SVIL: variants seen among roughly 807,000 people sequenced by gnomAD.
SVIL encodes supervillin, also known as archvillin.
SVIL carries 101 observed loss-of-function variants against 240.4 expected under a neutral mutation model. The ratio of observed to expected loss-of-function variants is 0.42; its 90% CI spans 0.36 to 0.50. The LOEUF (loss-of-function observed/expected upper bound fraction) is 0.50, where lower values mean the gene tolerates loss of function less well. Ranked by LOEUF, SVIL falls within the 20% of genes least tolerant of loss-of-function variation. SVIL has a pLI of 0.01. For missense variants in SVIL, 2,512 were observed against 2,818.7 expected (o/e 0.89, Z 2.46); for synonymous variants, 999 against 1,100.0 (o/e 0.91, Z 1.82).
In SVIL at chr10:29,458,293, G is replaced by A; in HGVS notation, c.6599C>T (p.Pro2200Leu). Residue 2200 changes from proline (P) to leucine (L), a missense_variant, in exon 38 of 38, where the codon CCC becomes CTC. By Grantham distance (98) the Pro-to-Leu change is moderately conservative. Around this residue, in one of 3 missense-constraint regions of SVIL, gnomAD observed 797 missense variants for 925.3 expected, o/e 0.86. Transcript: ENST00000355867. Reference sequence around the variant, plus strand: ...CTTCAGGTTCACCTGCTTCCAGGCGGGCAGGGCGTTGTATTCATCCCTCGT... The same window carrying A: ...CTTCAGGTTCACCTGCTTCCAGGCGAGCAGGGCGTTGTATTCATCCCTCGT... ...DMTRDEYNAL[P>L]AWKQVNLKKA... 1 of 1,614,144 alleles carries A rather than the reference G, an allele frequency of 6.2e-7. No homozygotes were observed. Among genetic ancestry groups the A allele is most frequent in the Non-Finnish European group, 8.5e-7 (1 of 1,180,034 alleles).
chr10:29,685,287 T>C (rs1343231392), intron 2 of SVIL, among the ~76,000 whole-genome samples: 2 of 152,252 alleles, frequency 1.3e-5, no homozygotes, highest in East Asian at 3.8e-4. Context: ...TTCCATAGTG[T>C]ATATGCACCA....
At chr10:29,651,221 G>A (rs1040098863) in intron 3 of SVIL, among the ~76,000 whole-genome samples, 2 of 152,048 alleles carry the variant, frequency 1.3e-5, no homozygotes, top group Non-Finnish European at 2.9e-5. Context: ...AGGAAGACAC[G>A]ACCTCCAAAC....
At chr10:29,502,599 C>T (rs1049412331) in intron 17 of SVIL, among the ~76,000 whole-genome samples, 3 of 151,944 alleles carry the variant, frequency 2.0e-5, no homozygotes, top group Admixed American at 6.6e-5. Context: ...AAGACAGATC[C>T]CACGAATGTG....
chr10:29,461,853 C>G (rs1320613320), intron 36 of SVIL, among the ~76,000 whole-genome samples: 2 of 152,150 alleles, frequency 1.3e-5, no homozygotes, highest in Admixed American at 6.5e-5. Flanking sequence ...TCTGAACATA[C>G]TAATTCATCA....
At chr10:29,493,811 G>C (rs1948186354) in intron 20 of SVIL, among the ~76,000 whole-genome samples, 1 of 152,202 alleles carries the variant, frequency 6.6e-6, no homozygotes, top group Admixed American at 6.5e-5. Context: ...ACTCAGTTCT[G>C]CTGTCTTAAT....
intron 3 of SVIL, among the ~76,000 whole-genome samples, chr10:29,653,396 G>A (rs373918137): frequency 6.6e-6 from 1 of 152,040 alleles, no homozygotes; most frequent in Admixed American, 6.6e-5. Context: ...TGAGGCCTCT[G>A]CAACCATGCT....
intron 1 of SVIL, among the ~76,000 whole-genome samples, chr10:29,585,911 C>T (rs1052377837): frequency 6.6e-6 from 1 of 152,276 alleles, no homozygotes; most frequent in African/African-American, 2.4e-5. Flanking sequence ...TGAGCGCGGT[C>T]ACTGCCCCAT....
At chr10:29,555,323 C>G (rs998249235) in intron 3 of SVIL, among the ~76,000 whole-genome samples, 1 of 136,042 alleles carries the variant, frequency 7.4e-6, no homozygotes, top group Non-Finnish European at 1.6e-5. Context: ...GACACACACA[C>G]ACACACACAC....
At chr10:29,608,443 C>T (rs979347170) in intron 1 of SVIL, among the ~76,000 whole-genome samples, 11 of 152,334 alleles carry the variant, frequency 7.2e-5, no homozygotes, top group African/African-American at 1.2e-4. Flanking sequence ...AGGAGCCCTG[C>T]ACCCTACCAA....
chr10:29,707,354 C>A (rs1229279882), intron 1 of SVIL, among the ~76,000 whole-genome samples: 2 of 152,156 alleles, frequency 1.3e-5, no homozygotes, highest in African/African-American at 4.8e-5. Flanking sequence ...AGGTCCTTCA[C>A]ATTCCTTGTT....
intron 1 of SVIL, among the ~76,000 whole-genome samples, chr10:29,608,561 A>G (rs1328365221): frequency 6.6e-6 from 1 of 152,238 alleles, no homozygotes; most frequent in Non-Finnish European, 1.5e-5. Context: ...TCCTTCAGGC[A>G]GAGGTGCCTG....
In SVIL at chr10:29,532,125, C is replaced by G; in HGVS notation, c.1886G>C (p.Gly629Ala). 1 of 1,614,034 alleles carries G rather than the reference C, an allele frequency of 6.2e-7. No homozygotes were observed. The highest frequency in any genetic ancestry group is 8.5e-7 in the Non-Finnish European group (1 of 1,179,888). ...RSAEGPGLPT[G>A]VERERGSRKP... ...CCGGGACCCTCTCTCCCGTTCCACA[C>G]CGGTGGGCAAGCCAGGTCCTTCAGC... The change falls in exon 9 of 38, where the codon GGT becomes GCT. Residue 629 changes from glycine to alanine, a missense_variant. Gly to Ala is a moderately conservative substitution (Grantham distance 60). Transcript: ENST00000355867.
chr10:29,504,163 A>G (rs1949100718), intron 17 of SVIL, among the ~76,000 whole-genome samples: 1 of 152,240 alleles, frequency 6.6e-6, no homozygotes, highest in Non-Finnish European at 1.5e-5. Flanking sequence ...AACTAGATAC[A>G]AATTTTCCAC....
At chr10:29,523,428 C>T in intron 15 of SVIL, 23 bp downstream of exon 15, 1 of 1,567,486 alleles carries the variant, frequency 6.4e-7, no homozygotes, top group Non-Finnish European at 8.6e-7. Flanking sequence ...CTTTCTAAAG[C>T]TTTAGGGGCA....
In SVIL at chr10:29,551,260, C is replaced by T. The variant is rs1464231294; in HGVS notation, c.164G>A (p.Arg55Gln). 3.1e-6 allele frequency: 5 copies of T among 1,589,494 alleles called. No individual in the cohort carries two copies. The highest frequency in any genetic ancestry group is 2.7e-5 in the African/African-American group (2 of 74,028). The change falls in exon 6 of 38, where the codon CGA becomes CAA. Residue 55 changes from arginine (R) to glutamine (Q), a missense_variant. Arg to Gln is a conservative substitution (Grantham distance 43, BLOSUM62 1). Around this residue, in one of 3 missense-constraint regions of SVIL, gnomAD observed 1,443 missense variants for 1,486.6 expected, o/e 0.97. Transcript: ENST00000355867. ...ASDPASPHIGRSNEEEETSDS... is the reference protein window; with the variant it reads ...ASDPASPHIGQSNEEEETSDS... ...AGAAGTTTCCTCCTCTTCATTTGAT[C>T]GGCCTACAAGAAGGTCACATGGATG...
chr10:29,479,488 G>A (rs1173063251), intron 29 of SVIL, among the ~76,000 whole-genome samples: 6 of 152,166 alleles, frequency 3.9e-5, no homozygotes, highest in African/African-American at 1.2e-4. Flanking sequence ...GCCACAGCCC[G>A]GCTCTGCACA....
chr10:29,463,130 TA>T (rs1944457790), intron 35 of SVIL, among the ~76,000 whole-genome samples: 1 of 152,200 alleles, frequency 6.6e-6, no homozygotes, highest in Non-Finnish European at 1.5e-5. Context: ...TGCTTGCAGA[TA>T]ATGTACAGGG....
intron 18 of SVIL, 57 bp downstream of exon 18, chr10:29,499,059 T>A: frequency 6.3e-7 from 1 of 1,583,830 alleles, no homozygotes; most frequent in Non-Finnish European, 8.6e-7. Flanking sequence ...CATGGGTAAG[T>A]GTGCTCACGT....
chr10:29,685,024 G>T (rs3858235), intron 2 of SVIL, among the ~76,000 whole-genome samples: 35,407 of 151,996 alleles, frequency 0.23, 4,576 homozygotes, highest in African/African-American at 0.34. Context: ...ACCCAGGTAG[G>T]AAGCGTAGTA....
Sources: gnomAD v4.1 joint callset for allele counts (sites outside exome capture counted in the v4.1 genomes callset) on GRCh38, gnomAD v4.1.1 for gene constraint, gnomAD v4.1.1 regional missense constraint, MANE v1.5 for transcripts, NCBI Gene and HGNC (gene_info 2026-07-23, HGNC 2026-07-21) for gene names.